Variants in UPK3A observed in about 807,000 individuals in gnomAD.
UPK3A encodes the protein uroplakin-3a.
In UPK3A, 32 loss-of-function variants were observed where a neutral mutation model predicts 27.6. That is an observed-to-expected ratio of 1.16 (90% CI 0.87 to 1.55). UPK3A has a LOEUF of 1.55. UPK3A is among the 40% of genes most tolerant of loss of function. The pLI is 0.00. For missense variants in UPK3A, 370 were observed against 367.9 expected, an observed-to-expected ratio of 1.01 and a Z score of -0.05; for synonymous variants, 171 against 163.9, an observed-to-expected ratio of 1.04 and a Z score of -0.33.
chr22:45,293,625 C>T (rs988968314), intron 5 of UPK3A, among the ~76,000 whole-genome samples: 10 of 152,156 alleles, frequency 6.6e-5, no homozygotes, highest in Admixed American at 1.3e-4. Context: ...GCTTGCTATC[C>T]TTCTGTTCTT....
chr22:45,290,288 C>T (rs779650277), intron 4 of UPK3A, among the ~76,000 whole-genome samples: 1 of 152,216 alleles, frequency 6.6e-6, no homozygotes, highest in Non-Finnish European at 1.5e-5. Context: ...GCCCCCAAGA[C>T]GAGGCTGTCT....
intron 4 of UPK3A, among the ~76,000 whole-genome samples, chr22:45,289,624 C>T (rs372597083): frequency 6.7e-6 from 1 of 149,036 alleles, no homozygotes. Context: ...CGTGGTGGCA[C>T]GTGCCTGTAA....
chr22:45,291,277 T>C (rs931357412), intron 4 of UPK3A, among the ~76,000 whole-genome samples: 1 of 147,710 alleles, frequency 6.8e-6, no homozygotes, highest in Admixed American at 6.7e-5. Flanking sequence ...GTGTGGGTGG[T>C]GTATGTGGTG....
chr22:45,290,730 C>A (rs573343342), intron 4 of UPK3A, among the ~76,000 whole-genome samples: 1 of 152,052 alleles, frequency 6.6e-6, no homozygotes, highest in Admixed American at 6.6e-5. Flanking sequence ...GAGCAGTGGG[C>A]GAGTGAAACT....
At chr22:45,289,577 C>CAAAAA (rs77091115) in intron 4 of UPK3A, among the ~76,000 whole-genome samples, 5 of 80,198 alleles carry the variant, frequency 6.2e-5, no homozygotes, top group African/African-American at 1.5e-4. Context: ...GACTCCGTCT[C>CAAAAA]AAAAAAAAAA....
At chr22:45,285,799 G>A in intron 1 of UPK3A, 142 bp from the exon 2 acceptor site, 1 of 1,187,220 alleles carries the variant, frequency 8.4e-7, no homozygotes, top group Non-Finnish European at 1.2e-6. Context: ...GCAGGGGGCA[G>A]TGTCTGAGAC....
intron 2 of UPK3A, 119 bp from the exon 3 acceptor site, chr22:45,287,053 A>G: frequency 6.7e-7 from 1 of 1,481,898 alleles, no homozygotes; most frequent in Non-Finnish European, 9.3e-7. Context: ...CATGCCTGTG[A>G]TGCCAGTGCC....
chr22:45,291,020 T>C (rs963901602), intron 4 of UPK3A, among the ~76,000 whole-genome samples: 3 of 152,158 alleles, frequency 2.0e-5, no homozygotes, highest in Non-Finnish European at 2.9e-5. Flanking sequence ...TTATTATATA[T>C]GGCAAAGTAA....
chr22:45,285,034 G>A lies in UPK3A; in HGVS notation c.21G>A (p.Leu7=). Residue 7 remains leucine, a synonymous_variant, in exon 1 of 6, where the codon CTG becomes CTA. Transcript: ENST00000216211. ...GGGCGATGCCTCCGCTCTGGGCCCT[G>A]CTGGCCCTCGGCTGCCTGCGGTTCG... The part of the protein sequence containing the change: MPPLWA[L]LALGCLRFGS... The A allele has an allele frequency of 6.5e-7, 1 of 1,535,022 alleles. No individual in the cohort carries two copies. Among genetic ancestry groups the A allele is most frequent in the South Asian group, 1.2e-5 (1 of 84,004 alleles).
intron 1 of UPK3A, among the ~76,000 whole-genome samples, chr22:45,285,318 C>T (rs984223532): frequency 2.6e-5 from 4 of 152,174 alleles, no homozygotes; most frequent in African/African-American, 9.7e-5. Flanking sequence ...AAGGGACTAG[C>T]CCCAGCCCCA....
Position 45,287,056 on chromosome 22 carries a change from C to T in UPK3A, c.209-116C>T, listed in dbSNP as rs1463492080. On this transcript the variant is annotated intron_variant, in intron 2 of 5. Coordinates refer to ENST00000216211, the MANE Select transcript of UPK3A (RefSeq NM_006953.4). ...CTAAGTTTGCCCCATGCCTGTGATGCCAGTGCCCAGCACAGAGCTGGGGCA... is the reference window on the plus strand; with the variant it reads ...CTAAGTTTGCCCCATGCCTGTGATGTCAGTGCCCAGCACAGAGCTGGGGCA... 2.0e-6 allele frequency: 3 copies of T among 1,488,366 alleles called. No homozygotes were observed. The East Asian group carries it at 6.8e-5, about 34-fold the overall frequency. The allele number at this position is 1,488,366 out of a possible 1,614,324, so 92.2% of individuals were successfully genotyped here. A position where few individuals can be genotyped will look rare whatever the true frequency, so the allele number is the denominator to read the frequency against.
chr22:45,288,072 C>T (rs1431294419), intron 3 of UPK3A, among the ~76,000 whole-genome samples: 2 of 152,198 alleles, frequency 1.3e-5, no homozygotes, highest in African/African-American at 2.4e-5. Context: ...GGAAGTCACC[C>T]ACCCAAACCC....
rs547447700 is a variant in UPK3A, at chr22:45,289,206, G to C, written c.571+63G>C. ...GACCCGAGAAGGCGGGGCCAGCCAC[G>C]GCGGTGAGAACCAAGGCTCCTCTGT... On this transcript the variant is annotated intron_variant, in intron 4 of 5. Transcript: ENST00000216211. 770 of 1,550,272 alleles carry C rather than the reference G, an allele frequency of 5.0e-4. 3 individuals are homozygous for C. In the South Asian group the frequency reaches 6.1e-3, roughly 12 times the overall value.
intron 3 of UPK3A, 29 bp from the exon 4 acceptor site, chr22:45,289,032 A>G: frequency 6.2e-7 from 1 of 1,611,906 alleles, no homozygotes; most frequent in Non-Finnish European, 8.5e-7. Flanking sequence ...AGGAAGCATA[A>G]AAGTCACCCT....
At chr22:45,295,429 T>G in intron 5 of UPK3A, 131 bp from the exon 6 acceptor site, 2 of 1,002,142 alleles carry the variant, frequency 2.0e-6, no homozygotes, top group Non-Finnish European at 1.6e-6. Context: ...GAAAGATGGA[T>G]TGATTGAATT....
In UPK3A at chr22:45,293,269, CTTT is replaced by C; in HGVS notation, c.661_663del (p.Phe221del). On this transcript the variant is annotated inframe_deletion, in exon 5 of 6. Coordinates refer to ENST00000216211, the MANE Select transcript of UPK3A (RefSeq NM_006953.4). ...CTTCCATCCTGGGCTCCCTGCCCTT[CTTT>C]CTACTTGTGGGTTTTGCTGGCGCCA... 1 of 1,614,114 alleles carries C rather than the reference CTTT, an allele frequency of 6.2e-7. No homozygotes were observed. Among genetic ancestry groups the C allele is most frequent in the South Asian group, 1.1e-5 (1 of 91,086 alleles).
At chr22:45,286,393 G>C (rs188724306) in intron 2 of UPK3A, among the ~76,000 whole-genome samples, 1 of 152,168 alleles carries the variant, frequency 6.6e-6, no homozygotes. Flanking sequence ...AGGGAAGCAA[G>C]GCTCAGAGAG....
Position 45,293,219 on chromosome 22 carries a change from C to G in UPK3A, c.610C>G (p.Arg204Gly). The stretch of plus-strand genomic sequence containing the variant: ...GACGATCGACACGTGGCCAGGCCGG[C>G]GGAGCGGAGGCATGATCGTCATCAC... ...YSTIDTWPGR[R>G]SGGMIVITSI... The change falls in exon 5 of 6, where the codon CGG becomes GGG. Residue 204 changes from arginine (R) to glycine (G), a missense_variant. Transcript: ENST00000216211. The G allele has an allele frequency of 6.2e-7, 1 of 1,614,056 alleles. No homozygotes were observed. The highest frequency in any genetic ancestry group is 8.5e-7 in the Non-Finnish European group (1 of 1,180,036).
At chr22:45,288,962 C>G (rs1008119050) in intron 3 of UPK3A, 99 bp from the exon 4 acceptor site, 2 of 1,157,834 alleles carry the variant, frequency 1.7e-6, no homozygotes, top group Non-Finnish European at 2.6e-6. Flanking sequence ...CCCCCGCTGC[C>G]GTCTCCCACC....
Sources: allele counts gnomAD v4.1 joint callset (sites outside exome capture counted in the v4.1 genomes callset), GRCh38; gene constraint gnomAD v4.1.1; transcripts MANE v1.5; gene names NCBI Gene and HGNC (gene_info 2026-07-23, HGNC 2026-07-21).